TANK: variants seen among roughly 807,000 people sequenced by gnomAD.
The protein encoded by TANK is TRAF family member-associated NF-kappa-B activator.
In TANK, 15 loss-of-function variants were observed where a neutral mutation model predicts 43.6. The observed-to-expected ratio is 0.34, with a 90% CI of 0.23 to 0.53. TANK has a LOEUF of 0.53. Among genes scored for constraint, TANK ranks in the 20% least tolerant of loss-of-function variants. The probability of loss-of-function intolerance (pLI) is 0.94; values close to 1 mark genes in which losing one functional copy is unlikely to be tolerated. For missense variants in TANK, 417 were observed against 498.6 expected (o/e 0.84, Z 1.56); for synonymous variants, 162 against 178.2 (o/e 0.91, Z 0.73).
chr2:161,178,464 CAA>C (rs77666160), intron 1 of TANK, among the ~76,000 whole-genome samples: 12 of 116,050 alleles, frequency 1.0e-4, no homozygotes, highest in East Asian at 2.4e-4. Context: ...TTCGTAGAGA[CAA>C]AAAAAAAAAA....
chr2:161,202,788 A>G, intron 2 of TANK: 2 of 430,566 alleles, frequency 4.6e-6, no homozygotes, highest in Non-Finnish European at 9.5e-6. Flanking sequence ...ACAGTTTCAA[A>G]TTTGCTTGAA....
chr2:161,161,726 T>A (rs930698986), intron 1 of TANK: 3 of 266,520 alleles, frequency 1.1e-5, no homozygotes, highest in African/African-American at 6.4e-5. Context: ...ATTGTGTAGA[T>A]GTACCAAATT....
chr2:161,172,805 G>A (rs1472622395), intron 1 of TANK, among the ~76,000 whole-genome samples: 6 of 152,016 alleles, frequency 3.9e-5, no homozygotes, highest in Non-Finnish European at 5.9e-5. Context: ...ACATCCAGTC[G>A]GCCACCAAAT....
At position 161,231,467 on chromosome 2, in the gene TANK, A is replaced by G; in HGVS notation, c.1017A>G (p.Val339=). The change falls in exon 7 of 8, where the codon GTA becomes GTG. Residue 339 remains valine (V), a synonymous_variant. Coordinates refer to ENST00000392749, the MANE Select transcript of TANK (RefSeq NM_001199135.3). The part of the protein sequence containing the change: ...LPPGDHNALY[V]NSFPLLDPSD... ...CTGGAGACCATAATGCATTATATGTAAATAGCTTCCCACTTCTGGACCCAT... is the reference window on the plus strand; with the variant it reads ...CTGGAGACCATAATGCATTATATGTGAATAGCTTCCCACTTCTGGACCCAT... 6.2e-7 allele frequency: 1 copy of G among 1,614,136 alleles called. No homozygotes were observed. Among genetic ancestry groups the G allele is most frequent in the Non-Finnish European group, 8.5e-7 (1 of 1,180,022 alleles).
chr2:161,223,906 A>G lies in TANK; in HGVS notation c.328-9A>G, dbSNP rs1316585259. ...AAAGTAGTAATAGTAATCATTTTGT[A>G]TGTTTAAGGTAAGAAGACAAGAGGT... is the stretch of plus-strand genomic sequence containing the variant. On this transcript the variant is annotated splice_polypyrimidine_tract_variant and intron_variant, in intron 4 of 7. Coordinates refer to ENST00000392749, the MANE Select transcript of TANK (RefSeq NM_001199135.3). 1.9e-6 allele frequency: 3 copies of G among 1,580,362 alleles called. No individual in the cohort carries two copies. The highest frequency in any genetic ancestry group is 4.5e-5 in the East Asian group (2 of 44,518).
chr2:161,141,785 A>G (rs889893777), intron 1 of TANK, among the ~76,000 whole-genome samples: 1 of 152,190 alleles, frequency 6.6e-6, no homozygotes, highest in African/African-American at 2.4e-5. Context: ...GTGCTGCACG[A>G]AACATATGTG....
At chr2:161,150,793 G>T (rs2105228011) in intron 1 of TANK, among the ~76,000 whole-genome samples, 1 of 152,108 alleles carries the variant, frequency 6.6e-6, no homozygotes, top group African/African-American at 2.4e-5. Flanking sequence ...GTTTCACCAT[G>T]TTGGCCAGGC....
chr2:161,179,155 T>C (rs1016044191), intron 1 of TANK, among the ~76,000 whole-genome samples: 1 of 152,144 alleles, frequency 6.6e-6, no homozygotes, highest in Non-Finnish European at 1.5e-5. Context: ...GTAACAACAG[T>C]GCGAACTCCA....
chr2:161,156,211 C>T (rs1279847535), upstream of TANK: 2 of 985,126 alleles, frequency 2.0e-6, no homozygotes, highest in Non-Finnish European at 2.4e-6. Flanking sequence ...TTGTACTTTC[C>T]AGTCATATTT....
intron 1 of TANK, among the ~76,000 whole-genome samples, chr2:161,149,852 A>T (rs1684024300): frequency 6.6e-6 from 1 of 151,954 alleles, no homozygotes; most frequent in Non-Finnish European, 1.5e-5. Context: ...ATCATGATGT[A>T]TAATACACTT....
intron 6 of TANK, among the ~76,000 whole-genome samples, chr2:161,230,282 G>C (rs760361400): frequency 1.3e-4 from 20 of 152,052 alleles, no homozygotes; most frequent in Non-Finnish European, 7.4e-5. Context: ...TTGGATAAGT[G>C]GTTCTAGATA....
At chr2:161,178,408 A>G (rs770252729) in intron 1 of TANK, among the ~76,000 whole-genome samples, 1 of 151,986 alleles carries the variant, frequency 6.6e-6, no homozygotes, top group Non-Finnish European at 1.5e-5. Context: ...CACAAAAACC[A>G]TGTATTGTAT....
intron 2 of TANK, among the ~76,000 whole-genome samples, chr2:161,181,085 G>A (rs916045321): frequency 2.0e-5 from 3 of 152,120 alleles, no homozygotes; most frequent in Admixed American, 6.6e-5. Flanking sequence ...CCAAATGCCA[G>A]CTGTATTAGT....
chr2:161,160,362 G>C (rs1684355076), upstream of TANK: 1 of 1,156,100 alleles, frequency 8.6e-7, no homozygotes, highest in East Asian at 3.2e-5. Flanking sequence ...GAGGTGAAGA[G>C]TTAATGGCTC....
At chr2:161,216,675 T>C (rs1402461984) in intron 4 of TANK, among the ~76,000 whole-genome samples, 1 of 152,112 alleles carries the variant, frequency 6.6e-6, no homozygotes, top group African/African-American at 2.4e-5. Context: ...CTTGAGGGTT[T>C]CTCCTGCCCT....
At chr2:161,232,427 T>C (rs1687960261) in intron 7 of TANK, among the ~76,000 whole-genome samples, 1 of 152,226 alleles carries the variant, frequency 6.6e-6, no homozygotes, top group African/African-American at 2.4e-5. Context: ...CCCTTTTGCT[T>C]TAAGTACACA....
At chr2:161,160,237 C>G (rs1216453960), upstream of TANK, 1 of 275,812 alleles carries the variant, frequency 3.6e-6, no homozygotes, top group Non-Finnish European at 5.8e-6. Flanking sequence ...TTCTAAGAGG[C>G]GGGGACTTGG....
intron 4 of TANK, chr2:161,223,663 G>A (rs748641519): frequency 9.1e-5 from 25 of 276,034 alleles, no homozygotes; most frequent in Non-Finnish European, 1.7e-4. Context: ...TACCAGTACC[G>A]GAAATAGTAA....
In TANK at chr2:161,179,649, C is replaced by T; in HGVS notation, c.-14C>T. 1 of 1,612,524 alleles carries T rather than the reference C, an allele frequency of 6.2e-7. No individual in the cohort carries two copies. Among genetic ancestry groups the T allele is most frequent in the Non-Finnish European group, 8.5e-7 (1 of 1,179,178 alleles). On this transcript the variant is annotated 5_prime_UTR_variant, in exon 2 of 8. It introduces an in-frame stop codon into an upstream open reading frame of the 5' UTR. Transcript: ENST00000392749. Reference sequence around the variant, plus strand: ...TACTCCATCCTTTATAGTGATGCTACAGGACGAAGAGGAATGGATAAAAAC... The same window carrying T: ...TACTCCATCCTTTATAGTGATGCTATAGGACGAAGAGGAATGGATAAAAAC...
Sources: gnomAD v4.1 joint callset for allele counts (sites outside exome capture counted in the v4.1 genomes callset) on GRCh38, gnomAD v4.1.1 for gene constraint, MANE v1.5 for transcripts, NCBI Gene and HGNC (gene_info 2026-07-23, HGNC 2026-07-21) for gene names.